Variants in PIK3R3 observed in about 807,000 individuals in gnomAD.
PIK3R3 encodes phosphatidylinositol 3-kinase regulatory subunit gamma.
PIK3R3 carries 64 observed loss-of-function variants against 62.9 expected under a neutral mutation model. The observed-to-expected ratio is 1.02, with a 90% confidence interval of 0.83 to 1.25. PIK3R3 has a LOEUF of 1.25. PIK3R3 is among the 50% of genes most tolerant of loss of function. The pLI is 0.00. For missense variants in PIK3R3, 614 were observed against 561.6 expected, an observed-to-expected ratio of 1.09 and a Z score of -0.94; for synonymous variants, 165 against 189.0, an observed-to-expected ratio of 0.87 and a Z score of 1.04.
In PIK3R3 at chr1:46,043,838, G is replaced by GTA. The variant is rs1466414013; in HGVS notation, c.1219_1220dup (p.Ser408ThrfsTer19). 1 of 1,613,930 alleles carries GTA rather than the reference G, an allele frequency of 6.2e-7. No individual in the cohort carries two copies. Among genetic ancestry groups the GTA allele is most frequent in the East Asian group, 2.2e-5 (1 of 44,888 alleles). ...CAAAGCCATAGCCCCGAGCAGTGCT[G>GTA]TAGATCACACAGTGCTTCACTTCCC... is the stretch of plus-strand genomic sequence containing the variant. On this transcript the variant is annotated frameshift_variant, in exon 10 of 10. Transcript: ENST00000262741. LOFTEE classifies it high-confidence loss of function.
At chr1:46,049,645 C>T (rs1272749529) in intron 7 of PIK3R3, among the ~76,000 whole-genome samples, 1 of 152,208 alleles carries the variant, frequency 6.6e-6, no homozygotes, top group Non-Finnish European at 1.5e-5. Flanking sequence ...CCAATGACAG[C>T]AGTCAAGAGG....
In PIK3R3 at chr1:46,067,064, C is replaced by A; in HGVS notation, c.342G>T (p.Lys114Asn). ...LRKGGNNKLI[K>N]IYHRDGKYGF... Reference sequence around the variant, plus strand: ...CATATTTACCATCCCGGTGATAGATCTTTATTAACTTATTATTGCCTCCCT... The same window carrying A: ...CATATTTACCATCCCGGTGATAGATATTTATTAACTTATTATTGCCTCCCT... Residue 114 changes from lysine (K) to asparagine (N), a missense_variant, in exon 4 of 10, where the codon AAG becomes AAT. Coordinates refer to ENST00000262741, the MANE Select transcript of PIK3R3 (RefSeq NM_003629.4). 5 of 1,580,134 alleles carry A rather than the reference C, an allele frequency of 3.2e-6. No homozygotes were observed. Among genetic ancestry groups the A allele is most frequent in the Non-Finnish European group, 4.3e-6 (5 of 1,165,494 alleles).
intron 1 of PIK3R3, among the ~76,000 whole-genome samples, chr1:46,119,359 T>A (rs1274437634): frequency 6.6e-6 from 1 of 152,218 alleles, no homozygotes; most frequent in Non-Finnish European, 1.5e-5. Flanking sequence ...GTTATTAATC[T>A]ACTAAATCCT....
At position 46,043,738 on chromosome 1, in the gene PIK3R3, TG is replaced by T. The variant is rs1329411667; in HGVS notation, c.1320del (p.His440GlnfsTer51). 2 of 1,614,180 alleles carry T rather than the reference TG, an allele frequency of 1.2e-6. No homozygotes were observed. Among genetic ancestry groups the T allele is most frequent in the Non-Finnish European group, 1.7e-6 (2 of 1,180,010 alleles). On this transcript the variant is annotated frameshift_variant, in exon 10 of 10. Transcript: ENST00000262741. LOFTEE classifies it high-confidence loss of function. ...LHYQQTSLVQ[H>X]NDSLNVRLAY... ...GCAAGCCTGACGTTGAGGGAGTCGT[TG>T]TGCTGAACCAAGGATGTCTGCTGGT...
rs374211898 is a variant in PIK3R3, at chr1:46,072,787, A to C, written c.314+4728T>G. Among the ~76,000 whole-genome samples, 13 of 152,034 alleles carry C rather than the reference A, an allele frequency of 8.6e-5. No individual in the cohort carries two copies. The East Asian group carries it at 2.3e-3, about 27-fold the overall frequency. ...CAACATAGTGAGACCTCATCTCTACAAAGAAATTTTTACAAAATTAGCCAC... is the reference window on the plus strand; with the variant it reads ...CAACATAGTGAGACCTCATCTCTACCAAGAAATTTTTACAAAATTAGCCAC... On this transcript the variant is annotated intron_variant, in intron 3 of 9. Transcript: ENST00000262741.
chr1:46,061,783 A>G (rs563059319), intron 6 of PIK3R3, 146 bp downstream of exon 6: 3 of 745,694 alleles, frequency 4.0e-6, no homozygotes, highest in East Asian at 2.6e-5. Flanking sequence ...AGGAAGTTCA[A>G]TTTGGTGCCA....
chr1:46,095,552 T>A (rs1438800212), intron 1 of PIK3R3, among the ~76,000 whole-genome samples: 1 of 152,140 alleles, frequency 6.6e-6, no homozygotes, highest in Non-Finnish European at 1.5e-5. Context: ...AGCTAATGGA[T>A]GCTGGGCTTA....
chr1:46,079,935 C>T (rs1389654256), intron 2 of PIK3R3, among the ~76,000 whole-genome samples: 3 of 151,246 alleles, frequency 2.0e-5, no homozygotes, highest in Non-Finnish European at 2.9e-5. Context: ...GCCTGGGCAA[C>T]AGAGTGAGAC....
chr1:46,161,681 G>C, the PIK3R3 span, among the ~76,000 whole-genome samples: 1 of 152,016 alleles, frequency 6.6e-6, no homozygotes, highest in South Asian at 2.1e-4. Context: ...GCTATAATGT[G>C]CTATGACTTC....
At chr1:46,085,377 A>AT (rs1345878036) in intron 1 of PIK3R3, among the ~76,000 whole-genome samples, 3 of 152,220 alleles carry the variant, frequency 2.0e-5, no homozygotes, top group Non-Finnish European at 4.4e-5. Context: ...TGGACTTTAT[A>AT]ATCCAAAAGG....
rs190330281 is a variant in PIK3R3 at position 46,051,972 on chromosome 1, C to T, written c.941+3823G>A. ...CTAACACAGTGAAACCCCATCTCTACTAAAAAAATAAAAAAATTAGCTGGG... is the reference window on the plus strand; with the variant it reads ...CTAACACAGTGAAACCCCATCTCTATTAAAAAAATAAAAAAATTAGCTGGG... On this transcript the variant is annotated intron_variant, in intron 7 of 9. Coordinates refer to ENST00000262741, the MANE Select transcript of PIK3R3 (RefSeq NM_003629.4). Among the ~76,000 whole-genome samples the T allele has an allele frequency of 2.8e-4, 42 of 151,990 alleles. 1 individual carries two copies. Among genetic ancestry groups the T allele is most frequent in the Admixed American group, 7.9e-4 (12 of 15,250 alleles).
chr1:46,102,956 G>A (rs1367189711), intron 1 of PIK3R3, among the ~76,000 whole-genome samples: 1 of 152,054 alleles, frequency 6.6e-6, no homozygotes, highest in Non-Finnish European at 1.5e-5. Context: ...TAAACAAAAT[G>A]TGGTATATAC....
chr1:46,124,470 C>T (rs1654921613), intron 1 of PIK3R3, among the ~76,000 whole-genome samples: 1 of 152,256 alleles, frequency 6.6e-6, no homozygotes, highest in Middle Eastern at 3.4e-3. Context: ...TAAACACGTC[C>T]TATCTTTTCT....
the PIK3R3 span, among the ~76,000 whole-genome samples, chr1:46,154,391 G>A: frequency 6.6e-6 from 1 of 151,940 alleles, no homozygotes; most frequent in Non-Finnish European, 1.5e-5. Flanking sequence ...AACACAGCGA[G>A]ACCCCAACTC....
intron 1 of PIK3R3, among the ~76,000 whole-genome samples, chr1:46,129,301 T>C (rs997350361): frequency 6.6e-6 from 1 of 152,150 alleles, no homozygotes; most frequent in Non-Finnish European, 1.5e-5. Context: ...AAATTGCTTC[T>C]ATAGAATTTA....
At chr1:46,046,167 A>C (rs1647111903) in intron 8 of PIK3R3, 79 bp from the exon 9 acceptor site, 2 of 862,448 alleles carry the variant, frequency 2.3e-6, no homozygotes, top group Non-Finnish European at 3.6e-6. Flanking sequence ...ACACTCTTCT[A>C]AATCTTTAAA....
At chr1:46,074,032 G>C (rs1414378960) in intron 3 of PIK3R3, among the ~76,000 whole-genome samples, 7 of 146,802 alleles carry the variant, frequency 4.8e-5, no homozygotes. Flanking sequence ...GCTCATGCCT[G>C]TAATCCCAGC....
the PIK3R3 span, among the ~76,000 whole-genome samples, chr1:46,164,544 G>A: frequency 6.6e-6 from 1 of 152,144 alleles, no homozygotes; most frequent in East Asian, 1.9e-4. Context: ...CAGGAGAATC[G>A]CTTGAACCCG....
chr1:46,114,842 T>C (rs1263358893), intron 1 of PIK3R3, among the ~76,000 whole-genome samples: 1 of 148,850 alleles, frequency 6.7e-6, no homozygotes, highest in South Asian at 2.1e-4. Flanking sequence ...CTTGAATTCC[T>C]GGACTCACGT....
Sources: gnomAD v4.1 joint callset for allele counts (sites outside exome capture counted in the v4.1 genomes callset) on GRCh38, gnomAD v4.1.1 for gene constraint, MANE v1.5 for transcripts, NCBI Gene and HGNC (gene_info 2026-07-23, HGNC 2026-07-21) for gene names.